Variants in KLHL6 observed in about 807,000 individuals in gnomAD.
The protein encoded by KLHL6 is kelch-like protein 6.
Under a neutral mutation model 58.6 loss-of-function variants are expected in KLHL6, and 41 were observed. The observed-to-expected ratio is 0.70, with a 90% CI of 0.55 to 0.91. The LOEUF (loss-of-function observed/expected upper bound fraction) is 0.91. KLHL6 is among the 40% of genes least tolerant of loss of function. The pLI, the probability that KLHL6 is intolerant of heterozygous loss-of-function variation, is 0.00. For missense variants in KLHL6, 714 were observed against 805.6 expected (o/e 0.89, Z 1.38); for synonymous variants, 338 against 322.7 (o/e 1.05, Z -0.51).
rs1712606653 is a variant in KLHL6 at position 183,543,073 on chromosome 3, A to G, written c.293+12288T>C. Among the ~76,000 whole-genome samples the G allele has an allele frequency of 1.3e-5, 2 of 152,164 alleles. 1 individual carries two copies. The highest frequency in any genetic ancestry group is 4.1e-4 in the South Asian group (2 of 4,836). On this transcript the variant is annotated intron_variant, in intron 1 of 6. Coordinates refer to ENST00000341319, the MANE Select transcript of KLHL6 (RefSeq NM_130446.4). ...TTTGGGAGGCTGAGGCGGGCAGATC[A>G]CCTGAGGTCAGGAGTTCAAGACCAG...
intron 2 of KLHL6, chr3:183,522,376 T>C (rs1711797349): frequency 6.6e-6 from 1 of 152,274 alleles, no homozygotes; most frequent in Admixed American, 6.5e-5. Flanking sequence ...GTGGCTGTCA[T>C]GTGGACCCAG....
chr3:183,526,981 C>T (rs1711993445), intron 2 of KLHL6, among the ~76,000 whole-genome samples: 3 of 151,894 alleles, frequency 2.0e-5, no homozygotes, highest in East Asian at 1.9e-4. Flanking sequence ...CACCTGTAGT[C>T]CCAGCTACTT....
chr3:183,503,937 G>A (rs560499612), intron 3 of KLHL6, among the ~76,000 whole-genome samples: 3 of 152,296 alleles, frequency 2.0e-5, no homozygotes, highest in Non-Finnish European at 4.4e-5. Flanking sequence ...GACCATTCCA[G>A]CAGGGAGCAG....
intron 1 of KLHL6, among the ~76,000 whole-genome samples, chr3:183,541,189 A>G (rs1712540843): frequency 6.6e-6 from 1 of 152,212 alleles, no homozygotes; most frequent in Non-Finnish European, 1.5e-5. Context: ...CATAAAAGGT[A>G]TCCCTTGTGA....
intron 1 of KLHL6, among the ~76,000 whole-genome samples, chr3:183,531,061 T>G (rs1712140419): frequency 6.6e-6 from 1 of 152,078 alleles, no homozygotes; most frequent in Non-Finnish European, 1.5e-5. Context: ...CTCAAACTCC[T>G]GACGTCAGGT....
In KLHL6 at chr3:183,498,682, G is replaced by A. The variant is rs79640529; in HGVS notation, c.1147+908C>T. On this transcript the variant is annotated intron_variant, in intron 4 of 6. Transcript: ENST00000341319. ...CCACTCAGTAAAGATGGTTGAGACT[G>A]CGTCATTCAATAAATATTTACTGAA... Among the ~76,000 whole-genome samples, 28 of 152,334 alleles carry A rather than the reference G, an allele frequency of 1.8e-4. No homozygotes were observed. In the East Asian group the frequency reaches 5.4e-3, roughly 29 times the overall value.
chr3:183,509,868 C>G (rs568808071), intron 2 of KLHL6, among the ~76,000 whole-genome samples: 139 of 152,246 alleles, frequency 9.1e-4, no homozygotes, highest in African/African-American at 3.0e-3. Flanking sequence ...GTATGACACT[C>G]TAAGAAGACT....
At chr3:183,543,378 T>C (rs1712617817) in intron 1 of KLHL6, among the ~76,000 whole-genome samples, 1 of 151,952 alleles carries the variant, frequency 6.6e-6, no homozygotes, top group Non-Finnish European at 1.5e-5. Flanking sequence ...TGGAGGAGCA[T>C]GGGAGGAGTG....
Position 183,508,204 on chromosome 3 carries a change from G to A in KLHL6, c.764C>T (p.Pro255Leu), listed in dbSNP as rs778233259. ...HKPSERLCLL[P>L]YVLENVRLPL... ...TAAGCGCACGTTCTCGAGGACATAG[G>A]GGAGTAAGCAGAGTCGTTCTGATGG... is the stretch of plus-strand genomic sequence containing the variant. The change falls in exon 3 of 7, where the codon CCC becomes CTC. Residue 255 changes from proline (P) to leucine (L), a missense_variant. This residue lies in a region of KLHL6 where 510 missense variants were observed against 629.7 expected (regional missense o/e 0.81). Coordinates refer to ENST00000341319, the MANE Select transcript of KLHL6 (RefSeq NM_130446.4). 8.1e-6 allele frequency: 13 copies of A among 1,614,190 alleles called. No individual in the cohort carries two copies. The East Asian group carries it at 2.5e-4, about 30-fold the overall frequency.
At chr3:183,536,442 C>T (rs1712369294) in intron 1 of KLHL6, among the ~76,000 whole-genome samples, 1 of 152,194 alleles carries the variant, frequency 6.6e-6, no homozygotes, top group Non-Finnish European at 1.5e-5. Context: ...AAGGGACTTC[C>T]GGGAGCCTGG....
Position 183,499,882 on chromosome 3 carries a change from G to T in KLHL6, c.910-55C>A. ...GGGACAACACAAAGTTTCAGAGCTC[G>T]GGCTATGGAGCCATTAGGAGTCGGG... is the stretch of plus-strand genomic sequence containing the variant. On this transcript the variant is annotated intron_variant, in intron 3 of 6. Coordinates refer to ENST00000341319, the MANE Select transcript of KLHL6 (RefSeq NM_130446.4). This position sits in a 1 kb window ranked among gnomAD's most constrained non-coding sequence, Gnocchi z 4.6. The T allele has an allele frequency of 7.3e-7, 1 of 1,375,418 alleles. No individual in the cohort carries two copies. Among genetic ancestry groups the T allele is most frequent in the Non-Finnish European group, 9.9e-7 (1 of 1,014,200 alleles). 85.2% of individuals were successfully genotyped at this position (1,375,418 alleles called of 1,614,324 possible).
chr3:183,517,781 G>A (rs1711612568), intron 2 of KLHL6, among the ~76,000 whole-genome samples: 1 of 152,200 alleles, frequency 6.6e-6, no homozygotes, highest in East Asian at 1.9e-4. Context: ...GGGGCTCAGT[G>A]ATTCAGCCCA....
intron 3 of KLHL6, among the ~76,000 whole-genome samples, chr3:183,503,838 T>C (rs1470385464): frequency 6.6e-6 from 1 of 151,188 alleles, no homozygotes; most frequent in African/African-American, 2.4e-5. Flanking sequence ...GACAAGAGGG[T>C]TAAAGTTTGG....
At position 183,491,751 on chromosome 3, in the gene KLHL6, C is replaced by G; in HGVS notation, c.*176G>C. 2.1e-6 allele frequency: 1 copy of G among 484,206 alleles called. No homozygotes were observed. Among genetic ancestry groups the G allele is most frequent in the Non-Finnish European group, 3.5e-6 (1 of 287,496 alleles). The allele number at this position is 484,206 out of a possible 1,614,324, so 30.0% of individuals were successfully genotyped here. On this transcript the variant is annotated 3_prime_UTR_variant, in exon 7 of 7. Coordinates refer to ENST00000341319, the MANE Select transcript of KLHL6 (RefSeq NM_130446.4). ...GGTAGGTCATGCAAACATTCCTGGC[C>G]GGTCTCAAGTGACCCCAAACTGTGA...
intron 1 of KLHL6, among the ~76,000 whole-genome samples, chr3:183,554,727 C>G (rs749171645): frequency 5.3e-5 from 8 of 152,154 alleles, no homozygotes; most frequent in Non-Finnish European, 1.2e-4. Flanking sequence ...CCAGTCAGAC[C>G]AAGGGGGAAA....
intron 1 of KLHL6, among the ~76,000 whole-genome samples, chr3:183,537,899 G>A (rs1224282434): frequency 6.6e-6 from 1 of 152,048 alleles, no homozygotes; most frequent in Non-Finnish European, 1.5e-5. Flanking sequence ...CCACTAGAAT[G>A]CCAGCTGAGT....
At chr3:183,537,795 G>A (rs1010282895) in intron 1 of KLHL6, among the ~76,000 whole-genome samples, 3 of 151,960 alleles carry the variant, frequency 2.0e-5, no homozygotes, top group South Asian at 2.1e-4. Context: ...ATCTAAAATC[G>A]CCACTCCCTC....
intron 2 of KLHL6, among the ~76,000 whole-genome samples, chr3:183,526,410 C>T (rs941159056): frequency 2.6e-4 from 39 of 152,102 alleles, no homozygotes; most frequent in African/African-American, 8.7e-4. Context: ...TGAATATGAC[C>T]CCAGTTTTCT....
chr3:183,500,946 G>A (rs41412751), intron 3 of KLHL6, among the ~76,000 whole-genome samples: 3,356 of 152,312 alleles, frequency 0.022, 128 homozygotes, highest in African/African-American at 0.076. Flanking sequence ...GCCACAAATA[G>A]TCAGACCAGC....
Sources: allele counts gnomAD v4.1 joint callset (sites outside exome capture counted in the v4.1 genomes callset), GRCh38; gene constraint gnomAD v4.1.1; regional missense constraint gnomAD v4.1.1; non-coding constraint Gnocchi (gnomAD v3.1); transcripts MANE v1.5; gene names NCBI Gene and HGNC (gene_info 2026-07-23, HGNC 2026-07-21).